The following HOOK3 variants were observed in gnomAD, a reference collection of about 807,000 sequenced individuals.
HOOK3 encodes the protein hook microtubule tethering protein 3.
A neutral mutation model predicts 116.3 loss-of-function variants in HOOK3; 24 were observed. The ratio of observed to expected loss-of-function variants is 0.21; its 90% CI spans 0.15 to 0.29. The LOEUF is 0.29. Ranked by LOEUF, HOOK3 falls within the 10% of genes least tolerant of loss-of-function variation. The pLI is 1.00. For synonymous variants in HOOK3, 275 were observed against 283.0 expected (o/e 0.97, Z 0.28); for missense variants, 632 against 830.2 (o/e 0.76, Z 2.93).
intron 1 of HOOK3, among the ~76,000 whole-genome samples, chr8:42,897,797 A>G (rs1289070618): frequency 6.6e-6 from 1 of 152,178 alleles, no homozygotes; most frequent in African/African-American, 2.4e-5. Flanking sequence ...AAACGGTTTT[A>G]GATTCCTCAT....
intron 14 of HOOK3, among the ~76,000 whole-genome samples, chr8:42,984,860 G>A (rs780447060): frequency 9.2e-5 from 14 of 152,088 alleles, no homozygotes; most frequent in Non-Finnish European, 2.1e-4. Context: ...CCTAGATTGC[G>A]CCACAGTCCT....
At chr8:42,900,797 T>G (rs2130310772) in intron 1 of HOOK3, among the ~76,000 whole-genome samples, 1 of 152,360 alleles carries the variant, frequency 6.6e-6, no homozygotes, top group South Asian at 2.1e-4. Context: ...TAACTTTATG[T>G]TTGCTAACTT....
rs1809760505 is a variant in HOOK3 at position 43,018,345 on chromosome 8, T to A, written c.2017-13T>A. ...TTTTTTCATTGATTCCTTTTTTTGTTTTAATGTTGCAGGGAATGACCCTGC... is the reference window on the plus strand; with the variant it reads ...TTTTTTCATTGATTCCTTTTTTTGTATTAATGTTGCAGGGAATGACCCTGC... On this transcript the variant is annotated splice_polypyrimidine_tract_variant and intron_variant, in intron 21 of 21. Transcript: ENST00000307602. 6.4e-7 allele frequency: 1 copy of A among 1,556,360 alleles called. No homozygotes were observed. Among genetic ancestry groups the A allele is most frequent in the Non-Finnish European group, 8.7e-7 (1 of 1,154,904 alleles).
At chr8:43,004,726 A>G (rs1809444728) in intron 17 of HOOK3, among the ~76,000 whole-genome samples, 1 of 151,710 alleles carries the variant, frequency 6.6e-6, no homozygotes, top group African/African-American at 2.4e-5. Context: ...CATTTTACAC[A>G]TCAAATTGTT....
chr8:43,027,746 A>G lies in HOOK3; in HGVS notation c.*9248A>G, dbSNP rs1809958177. The G allele has an allele frequency of 4.8e-6, 1 of 207,394 alleles. No individual in the cohort carries two copies. Among genetic ancestry groups the G allele is most frequent in the East Asian group, 7.6e-5 (1 of 13,150 alleles). The allele number at this position is 207,394 out of a possible 1,614,324, so 12.8% of individuals were successfully genotyped here. A position where few individuals can be genotyped will look rare whatever the true frequency, so the allele number is the denominator to read the frequency against. The stretch of plus-strand genomic sequence containing the variant: ...GACAAGAGTAGATTATTCAGTAGCC[A>G]CATGTGACAGTTAAAATTAAGTAAA... On this transcript the variant is annotated 3_prime_UTR_variant, in exon 22 of 22. Coordinates refer to ENST00000307602, the MANE Select transcript of HOOK3 (RefSeq NM_032410.4).
Position 43,025,910 on chromosome 8 carries a change from T to C in HOOK3, c.*7412T>C. On this transcript the variant is annotated 3_prime_UTR_variant, in exon 22 of 22. Transcript: ENST00000307602. ...CAACATTGTGCCATTATTTACCTGA[T>C]AAAGGTGAAATCAGAGGTGTCCACG... 4.8e-6 allele frequency: 1 copy of C among 209,386 alleles called. No individual in the cohort carries two copies. The highest frequency in any genetic ancestry group is 7.2e-5 in the East Asian group (1 of 13,806). The allele number at this position is 209,386 out of a possible 1,614,324, so 13.0% of individuals were successfully genotyped here.
intron 4 of HOOK3, among the ~76,000 whole-genome samples, chr8:42,938,778 G>A (rs1013608666): frequency 6.6e-6 from 1 of 151,810 alleles, no homozygotes; most frequent in Non-Finnish European, 1.5e-5. Flanking sequence ...GGATTTGGCA[G>A]GGTCACAGGA....
chr8:42,941,359 C>T (rs1355146709), intron 4 of HOOK3, among the ~76,000 whole-genome samples: 1 of 149,004 alleles, frequency 6.7e-6, no homozygotes, highest in Non-Finnish European at 1.5e-5. Context: ...ACTAAAAATA[C>T]AAAAAAAAAT....
At chr8:42,969,246 G>C (rs766121702) in intron 11 of HOOK3, among the ~76,000 whole-genome samples, 19 of 152,198 alleles carry the variant, frequency 1.2e-4, no homozygotes, top group Non-Finnish European at 2.4e-4. Context: ...GATATTAGCA[G>C]ATTGTTCCTT....
At chr8:42,972,281 A>G (rs1808740653) in intron 11 of HOOK3, among the ~76,000 whole-genome samples, 1 of 152,170 alleles carries the variant, frequency 6.6e-6, no homozygotes, top group Non-Finnish European at 1.5e-5. Context: ...TTTCCACAGC[A>G]TTACCAGCTA....
At chr8:42,903,250 T>A (rs1237528540) in intron 1 of HOOK3, among the ~76,000 whole-genome samples, 4 of 151,878 alleles carry the variant, frequency 2.6e-5, no homozygotes, top group Non-Finnish European at 1.5e-5. Flanking sequence ...GATAATTCCC[T>A]GGGCCTCTAC....
At chr8:42,931,391 T>G (rs1366031985) in intron 4 of HOOK3, among the ~76,000 whole-genome samples, 1 of 152,032 alleles carries the variant, frequency 6.6e-6, no homozygotes, top group African/African-American at 2.4e-5. Flanking sequence ...GTTGGTTTAT[T>G]TGGTTGTCTC....
At position 43,013,412 on chromosome 8, in the gene HOOK3, G is replaced by C; in HGVS notation, c.2016+12G>C. On this transcript the variant is annotated intron_variant, in intron 21 of 21. Transcript: ENST00000307602. ...CCTGGTACAATATGGTAAGAAAATA[G>C]TACTTTGGAGCATAATGAAAACTTC... 6.4e-7 allele frequency: 1 copy of C among 1,558,060 alleles called. No homozygotes were observed. Among genetic ancestry groups the C allele is most frequent in the East Asian group, 2.3e-5 (1 of 43,926 alleles).
At chr8:42,912,608 A>G (rs1442626896) in intron 2 of HOOK3, among the ~76,000 whole-genome samples, 1 of 152,090 alleles carries the variant, frequency 6.6e-6, no homozygotes, top group Non-Finnish European at 1.5e-5. Flanking sequence ...ACATTTTACA[A>G]TTTTTAAAAA....
intron 4 of HOOK3, among the ~76,000 whole-genome samples, chr8:42,936,367 T>G (rs1298027626): frequency 6.6e-6 from 1 of 152,210 alleles, no homozygotes; most frequent in Non-Finnish European, 1.5e-5. Context: ...TCTTTCTATT[T>G]GAATATCCTT....
intron 6 of HOOK3, among the ~76,000 whole-genome samples, chr8:42,954,426 T>C (rs1313269504): frequency 6.6e-6 from 1 of 152,212 alleles, no homozygotes; most frequent in Non-Finnish European, 1.5e-5. Context: ...TATTTTATAT[T>C]AACAGAAATA....
In HOOK3 at chr8:43,018,404, C is replaced by T. The variant is rs1809761588; in HGVS notation, c.2063C>T (p.Thr688Ile). The stretch of plus-strand genomic sequence containing the variant: ...GCAGCTGAAGATAGACTGGCAAGCA[C>T]AGGCTCAGGGCAGTCATTTCTGGCG... ...KKAAEDRLAS[T>I]GSGQSFLARQ... The change falls in exon 22 of 22, where the codon ACA becomes ATA. Residue 688 changes from threonine (T) to isoleucine (I), a missense_variant. Around this residue, in one of 3 missense-constraint regions of HOOK3, gnomAD observed 483 missense variants for 648.1 expected, o/e 0.75. Coordinates refer to ENST00000307602, the MANE Select transcript of HOOK3 (RefSeq NM_032410.4). 2 of 1,613,264 alleles carry T rather than the reference C, an allele frequency of 1.2e-6. No individual in the cohort carries two copies. The highest frequency in any genetic ancestry group is 1.7e-5 in the Admixed American group (1 of 59,606).
At chr8:42,936,360 T>C (rs987732849) in intron 4 of HOOK3, among the ~76,000 whole-genome samples, 16 of 152,212 alleles carry the variant, frequency 1.1e-4, no homozygotes, top group African/African-American at 3.6e-4. Flanking sequence ...CTTCCTCTCT[T>C]TCTATTTGAA....
At chr8:42,993,334 C>T (rs558659959) in intron 15 of HOOK3, among the ~76,000 whole-genome samples, 21 of 152,202 alleles carry the variant, frequency 1.4e-4, no homozygotes, top group African/African-American at 5.1e-4. Context: ...CTTAGTAGAG[C>T]CAGGTTTTCA....
Sources: gnomAD v4.1 joint callset for allele counts (sites outside exome capture counted in the v4.1 genomes callset) on GRCh38, gnomAD v4.1.1 for gene constraint, gnomAD v4.1.1 regional missense constraint, MANE v1.5 for transcripts, NCBI Gene and HGNC (gene_info 2026-07-23, HGNC 2026-07-21) for gene names.